GOLGA5: variants seen among roughly 807,000 people sequenced by gnomAD.
GOLGA5 encodes the protein golgin subfamily A member 5.
Under a neutral mutation model 93.5 loss-of-function variants are expected in GOLGA5, and 50 were observed. The ratio of observed to expected loss-of-function variants is 0.53; its 90% CI spans 0.43 to 0.68. The LOEUF is 0.68. Ranked by LOEUF, GOLGA5 falls within the 30% of genes least tolerant of loss-of-function variation. GOLGA5 has a pLI of 0.00. For missense variants in GOLGA5, 760 were observed against 856.4 expected, an observed-to-expected ratio of 0.89 and a Z score of 1.40; for synonymous variants, 312 against 304.5, an observed-to-expected ratio of 1.02 and a Z score of -0.26.
chr14:92,802,228 T>G (rs534450001), intron 2 of GOLGA5, among the ~76,000 whole-genome samples: 2 of 152,302 alleles, frequency 1.3e-5, no homozygotes, highest in African/African-American at 4.8e-5. Context: ...CATAAAGATC[T>G]TATATACTTT....
intron 8 of GOLGA5, among the ~76,000 whole-genome samples, chr14:92,822,812 A>G (rs910359079): frequency 7.9e-5 from 12 of 152,094 alleles, no homozygotes; most frequent in African/African-American, 2.9e-4. Context: ...GTTCACCACT[A>G]TGGCTGGCTA....
intron 9 of GOLGA5, among the ~76,000 whole-genome samples, chr14:92,826,712 GAAA>G (rs888851958): frequency 6.8e-6 from 1 of 146,772 alleles, no homozygotes; most frequent in African/African-American, 2.5e-5. Flanking sequence ...AAAAAAAAAA[GAAA>G]AAAAAGAAAA....
At chr14:92,796,795 C>T (rs1318615159) in intron 1 of GOLGA5, among the ~76,000 whole-genome samples, 1 of 74,576 alleles carries the variant, frequency 1.3e-5, no homozygotes, top group Non-Finnish European at 2.4e-5. Flanking sequence ...AAGGTGAAAC[C>T]CCGTCTCTAC....
chr14:92,835,623 C>T lies in GOLGA5; in HGVS notation c.2010C>T (p.Tyr670=), dbSNP rs150818578. The stretch of plus-strand genomic sequence containing the variant: ...CAGAAACTAATCTGGCAGGAATGTA[C>T]GGAAAAGTTCGCAAAGCTGCTAGTT... ...NDTETNLAGM[Y]GKVRKAASSI... The change falls in exon 11 of 13, where the codon TAC becomes TAT. Residue 670 remains tyrosine (Y), a synonymous_variant. Coordinates refer to ENST00000163416, the MANE Select transcript of GOLGA5 (RefSeq NM_005113.4). The T allele has an allele frequency of 1.1e-4, 171 of 1,613,194 alleles. 1 individual carries two copies. The East Asian group carries it at 2.4e-3, about 23-fold the overall frequency.
At chr14:92,838,513 G>A (rs760602141) in intron 12 of GOLGA5, among the ~76,000 whole-genome samples, 2 of 152,046 alleles carry the variant, frequency 1.3e-5, no homozygotes, top group African/African-American at 4.8e-5. Context: ...GGCTACAGGC[G>A]CACGCCACTG....
intron 10 of GOLGA5, among the ~76,000 whole-genome samples, chr14:92,834,055 A>C (rs1351346057): frequency 6.6e-6 from 1 of 151,700 alleles, no homozygotes; most frequent in Non-Finnish European, 1.5e-5. Flanking sequence ...AGTAAAAATG[A>C]AATTATAAAT....
At chr14:92,819,881 G>A (rs984584515) in intron 8 of GOLGA5, 45 bp downstream of exon 8, 13 of 1,597,076 alleles carry the variant, frequency 8.1e-6, no homozygotes, top group East Asian at 2.2e-5. Flanking sequence ...GTCCTCTAGC[G>A]GTCATATGAG....
chr14:92,797,536 C>G lies in GOLGA5; in HGVS notation c.99C>G (p.Ser33Arg), dbSNP rs1595587788. 6.2e-7 allele frequency: 1 copy of G among 1,612,696 alleles called. No homozygotes were observed. The highest frequency in any genetic ancestry group is 8.5e-7 in the Non-Finnish European group (1 of 1,178,704). Residue 33 changes from serine to arginine, a missense_variant, in exon 2 of 13, where the codon AGC (serine) becomes AGG (arginine). Coordinates refer to ENST00000163416, the MANE Select transcript of GOLGA5 (RefSeq NM_005113.4). The stretch of plus-strand genomic sequence containing the variant: ...CTCTCAGTAGGAAAGACAATGCCAG[C>G]AACATATATAGCAAAAATACTGACT... The part of the protein sequence containing the change: ...ATALSRKDNA[S>R]NIYSKNTDYT...
Position 92,835,546 on chromosome 14 carries a change from C to T in GOLGA5, c.1946-13C>T. 6.5e-7 allele frequency: 1 copy of T among 1,542,686 alleles called. No homozygotes were observed. The highest frequency in any genetic ancestry group is 2.3e-5 in the East Asian group (1 of 44,444). On this transcript the variant is annotated splice_polypyrimidine_tract_variant and intron_variant, in intron 10 of 12. Transcript: ENST00000163416. The stretch of plus-strand genomic sequence containing the variant: ...TTATGTCAGTACACTAATTTATTTT[C>T]TTATTTAAACAGGCACTCGTCTGCG...
chr14:92,809,394 C>G lies in GOLGA5; in HGVS notation c.867C>G (p.Asp289Glu). 1 of 1,613,452 alleles carries G rather than the reference C, an allele frequency of 6.2e-7. No homozygotes were observed. Among genetic ancestry groups the G allele is most frequent in the South Asian group, 1.1e-5 (1 of 91,064 alleles). Reference protein sequence around the residue: ...MTRGLRAQVDDLTEAVAAKDS... With the variant: ...MTRGLRAQVDELTEAVAAKDS... The stretch of plus-strand genomic sequence containing the variant: ...GAGGACTCCGAGCCCAAGTAGATGA[C>G]CTGACTGAAGCTGTGGCTGCAAAGG... The change falls in exon 4 of 13, where the codon GAC becomes GAG. Residue 289 changes from aspartate (D) to glutamate (E), a missense_variant. Physicochemically the swap from Asp to Glu is conservative, Grantham distance 45 (BLOSUM62 2). Coordinates refer to ENST00000163416, the MANE Select transcript of GOLGA5 (RefSeq NM_005113.4).
intron 3 of GOLGA5, among the ~76,000 whole-genome samples, chr14:92,807,607 G>A (rs928621913): frequency 6.6e-6 from 1 of 152,190 alleles, no homozygotes; most frequent in African/African-American, 2.4e-5. Context: ...AAACAAAGTA[G>A]TAGGCACTAA....
chr14:92,839,303 C>A, intron 12 of GOLGA5, 63 bp from the exon 13 acceptor site: 1 of 993,692 alleles, frequency 1.0e-6, no homozygotes, highest in Non-Finnish European at 1.6e-6. Flanking sequence ...CCTCAGTGTA[C>A]AGTGGGCCTT....
intron 2 of GOLGA5, among the ~76,000 whole-genome samples, chr14:92,798,699 C>T (rs78278550): frequency 3.3e-5 from 5 of 152,268 alleles, no homozygotes; most frequent in Middle Eastern, 3.4e-3. Flanking sequence ...GCAGAGCACT[C>T]GTGCCCAGGA....
chr14:92,809,673 G>A (rs1885065057), intron 4 of GOLGA5, among the ~76,000 whole-genome samples, 154 bp downstream of exon 4: 1 of 152,168 alleles, frequency 6.6e-6, no homozygotes, highest in Non-Finnish European at 1.5e-5. Flanking sequence ...GGATTCATTG[G>A]CTGGGCGTGG....
At chr14:92,812,752 T>G (rs777805012) in intron 6 of GOLGA5, among the ~76,000 whole-genome samples, 3 of 152,200 alleles carry the variant, frequency 2.0e-5, no homozygotes, top group Non-Finnish European at 2.9e-5. Context: ...TCCTTGGCTC[T>G]CTTTTTGTCC....
intron 12 of GOLGA5, 114 bp downstream of exon 12, chr14:92,837,563 ATTT>A (rs1308023929): frequency 1.6e-6 from 1 of 644,178 alleles, no homozygotes; most frequent in Non-Finnish European, 2.8e-6. Context: ...CAATCAATCA[ATTT>A]TTTTTTGTTT....
chr14:92,794,652 C>T (rs892325196), intron 1 of GOLGA5, among the ~76,000 whole-genome samples, 196 bp downstream of exon 1: 2 of 152,260 alleles, frequency 1.3e-5, no homozygotes, highest in African/African-American at 2.4e-5. Flanking sequence ...CTGCCCTCCT[C>T]TGTCTTCCTT....
chr14:92,824,714 A>G (rs1184857377), intron 9 of GOLGA5, 70 bp downstream of exon 9: 1 of 789,978 alleles, frequency 1.3e-6, no homozygotes, highest in East Asian at 2.5e-5. Context: ...AAAAGGACAC[A>G]GTAAGAACTT....
At chr14:92,832,233 CTTT>C (rs375057139) in intron 9 of GOLGA5, among the ~76,000 whole-genome samples, 1 of 152,002 alleles carries the variant, frequency 6.6e-6, no homozygotes, top group Non-Finnish European at 1.5e-5. Context: ...ATGGAGCATT[CTTT>C]TTTAAGTAGT....
Sources: allele counts gnomAD v4.1 joint callset (sites outside exome capture counted in the v4.1 genomes callset), GRCh38; gene constraint gnomAD v4.1.1; transcripts MANE v1.5; gene names NCBI Gene and HGNC (gene_info 2026-07-23, HGNC 2026-07-21).